Variants in BMP6 observed in about 807,000 individuals in gnomAD.
BMP6 encodes bone morphogenetic protein 6, also known as VG-1-R.
BMP6 carries 17 observed loss-of-function variants against 54.1 expected under a neutral mutation model. The observed-to-expected ratio is 0.31, with a 90% CI of 0.22 to 0.47. The LOEUF (loss-of-function observed/expected upper bound fraction) is 0.47. BMP6 is among the 20% of genes least tolerant of loss of function. The pLI is 1.00. For synonymous variants in BMP6, 328 were observed against 291.2 expected (o/e 1.13, Z -1.28); for missense variants, 720 against 690.4 (o/e 1.04, Z -0.48).
At chr6:7,782,846 CT>C (rs1323086395) in intron 1 of BMP6, among the ~76,000 whole-genome samples, 2 of 152,058 alleles carry the variant, frequency 1.3e-5, no homozygotes, top group African/African-American at 4.8e-5. Context: ...AACCGGAGTT[CT>C]GAGAAAGGGC....
intron 1 of BMP6, among the ~76,000 whole-genome samples, chr6:7,756,380 C>T (rs1757515442): frequency 6.6e-6 from 1 of 152,146 alleles, no homozygotes; most frequent in Non-Finnish European, 1.5e-5. Context: ...CCTTCTCATG[C>T]TCATGCTTTT....
chr6:7,737,699 A>G (rs534445499), intron 1 of BMP6, among the ~76,000 whole-genome samples: 5 of 149,308 alleles, frequency 3.3e-5, no homozygotes, highest in African/African-American at 4.9e-5. Context: ...ACTTATTTCC[A>G]CTTTCGTATG....
At chr6:7,786,049 G>A (rs1224557123) in intron 1 of BMP6, among the ~76,000 whole-genome samples, 1 of 152,210 alleles carries the variant, frequency 6.6e-6, no homozygotes, top group Non-Finnish European at 1.5e-5. Flanking sequence ...TCTTGAAAAT[G>A]CAGGAGGCAG....
At chr6:7,826,284 C>T (rs148301330) in intron 1 of BMP6, among the ~76,000 whole-genome samples, 12 of 152,186 alleles carry the variant, frequency 7.9e-5, no homozygotes, top group African/African-American at 2.7e-4. Context: ...GTAGGATTCA[C>T]GTTCACTTTC....
chr6:7,815,702 A>G (rs1337949514), intron 1 of BMP6, among the ~76,000 whole-genome samples: 1 of 152,246 alleles, frequency 6.6e-6, no homozygotes, highest in Non-Finnish European at 1.5e-5. Context: ...AAAATACCAA[A>G]TTTTAAAAAA....
In BMP6 at chr6:7,845,305, A is replaced by G. The variant is rs1010387199; in HGVS notation, c.830A>G (p.Tyr277Cys). The G allele has an allele frequency of 6.2e-7, 1 of 1,614,052 alleles. No individual in the cohort carries two copies. The highest frequency in any genetic ancestry group is 8.5e-7 in the Non-Finnish European group (1 of 1,180,012). Residue 277 changes from tyrosine (Y) to cysteine (C), a missense_variant, in exon 2 of 7, where the codon TAT (tyrosine) becomes TGT (cysteine). Tyr to Cys is a radical substitution (Grantham distance 194). Transcript: ENST00000283147. ...AACCAAACTTTTCTTATCAGCATTT[A>G]TCAAGTCTTACAGGAGCATCAGCAC... ...FKNQTFLISI[Y>C]QVLQEHQHRD...
chr6:7,743,019 G>A (rs1757292667), intron 1 of BMP6, among the ~76,000 whole-genome samples: 1 of 152,236 alleles, frequency 6.6e-6, no homozygotes, highest in East Asian at 1.9e-4. Context: ...CAAAGGGAGA[G>A]AGAGAGATGG....
At chr6:7,843,952 TATACTA>T (rs1331570351) in intron 1 of BMP6, among the ~76,000 whole-genome samples, 3 of 152,224 alleles carry the variant, frequency 2.0e-5, no homozygotes, top group Admixed American at 6.5e-5. Context: ...CGTGATTTGA[TATACTA>T]ATACATATAC....
chr6:7,772,449 A>T (rs928648252), intron 1 of BMP6, among the ~76,000 whole-genome samples: 9 of 152,118 alleles, frequency 5.9e-5, no homozygotes, highest in African/African-American at 1.9e-4. Flanking sequence ...GGACCAGACC[A>T]CTCTAGTCAA....
At chr6:7,753,718 A>G (rs760750972) in intron 1 of BMP6, among the ~76,000 whole-genome samples, 1 of 152,232 alleles carries the variant, frequency 6.6e-6, no homozygotes, top group African/African-American at 2.4e-5. Context: ...TCACTCTGCT[A>G]TACAGCCTTT....
Position 7,811,171 on chromosome 6 carries a change from G to A in BMP6, c.665-33969G>A, listed in dbSNP as rs1027129755. The stretch of plus-strand genomic sequence containing the variant: ...CAGTGTGTAAATTGGGGCTATTCTC[G>A]TCTTGAGAAGGCATCCACCTGTCAC... On this transcript the variant is annotated intron_variant, in intron 1 of 6. Coordinates refer to ENST00000283147, the MANE Select transcript of BMP6 (RefSeq NM_001718.6). 5.3e-5 allele frequency among the ~76,000 whole-genome samples: 8 copies of A among 152,184 alleles called. No homozygotes were observed. In the South Asian group the frequency reaches 6.2e-4, roughly 12 times the overall value.
chr6:7,796,480 C>A (rs1216922052), intron 1 of BMP6, among the ~76,000 whole-genome samples: 1 of 152,214 alleles, frequency 6.6e-6, no homozygotes, highest in Non-Finnish European at 1.5e-5. Flanking sequence ...TAGCATCACC[C>A]CCTTCCTCAT....
intron 2 of BMP6, among the ~76,000 whole-genome samples, chr6:7,847,391 C>T (rs145546162): frequency 1.7e-3 from 260 of 152,224 alleles, no homozygotes; most frequent in Non-Finnish European, 1.8e-3. Context: ...GGCCTCCTGC[C>T]GCCTCCTAGC....
At chr6:7,852,779 A>G (rs1277802435) in intron 2 of BMP6, among the ~76,000 whole-genome samples, 2 of 152,124 alleles carry the variant, frequency 1.3e-5, no homozygotes, top group African/African-American at 4.8e-5. Context: ...CTCGTCCCAT[A>G]TAAACACAGC....
intron 1 of BMP6, among the ~76,000 whole-genome samples, chr6:7,815,778 T>C (rs1269415132): frequency 1.3e-5 from 2 of 152,268 alleles, no homozygotes; most frequent in Non-Finnish European, 1.5e-5. Context: ...ATTCCCGTTA[T>C]AATTAACAGT....
At chr6:7,755,608 T>G (rs1757502723) in intron 1 of BMP6, among the ~76,000 whole-genome samples, 1 of 152,146 alleles carries the variant, frequency 6.6e-6, no homozygotes, top group African/African-American at 2.4e-5. Context: ...CTCTTACGTA[T>G]ACCCACCTAT....
In BMP6 at chr6:7,813,109, A is replaced by AAAAAAAAAAAAATATATT; in HGVS notation, c.665-32031_665-32030insAAAAAAAAAAAATATATT. On this transcript the variant is annotated intron_variant, in intron 1 of 6. Coordinates refer to ENST00000283147, the MANE Select transcript of BMP6 (RefSeq NM_001718.6). ...TACAAAAAAAAAAAAAAAAAAAAAA[A>AAAAAAAAAAAAATATATT]TATATATATATATATATATATATAT... 1.3e-4 allele frequency among the ~76,000 whole-genome samples: 2 copies of AAAAAAAAAAAAATATATT among 15,742 alleles called. 1 individual carries two copies. The highest frequency in any genetic ancestry group is 2.3e-4 in the Non-Finnish European group (2 of 8,596). 10.3% of individuals were successfully genotyped at this position (15,742 alleles called of 152,430 possible). A position where few individuals can be genotyped will look rare whatever the true frequency, so the allele number is the denominator to read the frequency against.
intron 1 of BMP6, among the ~76,000 whole-genome samples, chr6:7,728,249 G>T (rs1358877244): frequency 6.6e-6 from 1 of 152,216 alleles, no homozygotes; most frequent in Non-Finnish European, 1.5e-5. Context: ...TGTTTGGGGC[G>T]GGATGAAAGC....
At chr6:7,860,748 G>A (rs1343896362) in intron 2 of BMP6, among the ~76,000 whole-genome samples, 1 of 152,114 alleles carries the variant, frequency 6.6e-6, no homozygotes, top group Admixed American at 6.5e-5. Context: ...CCATTCAGAG[G>A]CCTTAATTAA....
Sources: gnomAD v4.1 joint callset for allele counts (sites outside exome capture counted in the v4.1 genomes callset) on GRCh38, gnomAD v4.1.1 for gene constraint, MANE v1.5 for transcripts, NCBI Gene and HGNC (gene_info 2026-07-23, HGNC 2026-07-21) for gene names.